ANKRD17: variants seen among roughly 807,000 people sequenced by gnomAD.
ANKRD17 encodes the protein ankyrin repeat domain-containing protein 17.
ANKRD17 carries 19 observed loss-of-function variants against 229.7 expected under a neutral mutation model. The ratio of observed to expected loss-of-function variants is 0.08; its 90% confidence interval spans 0.06 to 0.12. The LOEUF (loss-of-function observed/expected upper bound fraction) is 0.12. ANKRD17 is among the 10% of genes least tolerant of loss of function. The pLI is 1.00. For missense variants in ANKRD17, 2,176 were observed against 3,176.8 expected, an observed-to-expected ratio of 0.68 and a Z score of 7.57; for synonymous variants, 1,112 against 1,146.1, an observed-to-expected ratio of 0.97 and a Z score of 0.60.
intron 16 of ANKRD17, among the ~76,000 whole-genome samples, chr4:73,126,044 C>T (rs1312630347): frequency 6.6e-6 from 1 of 152,114 alleles, no homozygotes; most frequent in Non-Finnish European, 1.5e-5. Flanking sequence ...CAACTTACTG[C>T]CTGGAGAGTT....
rs571218578 is a variant in ANKRD17, at chr4:73,246,565, G to C, written c.393+11711C>G. On this transcript the variant is annotated intron_variant, in intron 1 of 33. Transcript: ENST00000358602. ...AGCCCAATTCTCAAAAAAAACAAAG[G>C]TTTAGGTTGGAGCTGTAAACCTGAT... Among the ~76,000 whole-genome samples, 3 of 152,266 alleles carry C rather than the reference G, an allele frequency of 2.0e-5. No individual in the cohort carries two copies. In the East Asian group the frequency reaches 5.8e-4, roughly 29 times the overall value.
At chr4:73,124,003 G>C (rs1210242515) in intron 18 of ANKRD17, among the ~76,000 whole-genome samples, 2 of 151,078 alleles carry the variant, frequency 1.3e-5, no homozygotes, top group Non-Finnish European at 2.9e-5. Context: ...AAGAATAGGT[G>C]ACTTCAGGAA....
At chr4:73,141,987 T>G (rs973428064) in intron 13 of ANKRD17, 144 bp from the exon 14 acceptor site, 41 of 852,438 alleles carry the variant, frequency 4.8e-5, no homozygotes, top group Admixed American at 2.6e-4. Flanking sequence ...TAAAATATGT[T>G]GGCACCAAAT....
intron 1 of ANKRD17, among the ~76,000 whole-genome samples, chr4:73,244,514 CA>C (rs1377079429): frequency 6.6e-6 from 1 of 152,164 alleles, no homozygotes; most frequent in Non-Finnish European, 1.5e-5. Context: ...AAGAGCTCAG[CA>C]GCAACCTGTG....
intron 1 of ANKRD17, among the ~76,000 whole-genome samples, chr4:73,202,227 C>A (rs1000920514): frequency 6.7e-6 from 1 of 150,346 alleles, no homozygotes; most frequent in Non-Finnish European, 1.5e-5. Flanking sequence ...GAGTATGACC[C>A]ACTGAAAAGA....
intron 1 of ANKRD17, among the ~76,000 whole-genome samples, chr4:73,242,523 T>C (rs1323183431): frequency 1.3e-5 from 2 of 152,216 alleles, no homozygotes; most frequent in Admixed American, 6.5e-5. Context: ...ATTATACATA[T>C]ATTTCTCTCC....
Position 73,118,863 on chromosome 4 carries a change from GAC to G in ANKRD17, c.4026-15_4026-14del, listed in dbSNP as rs1421465212. On this transcript the variant is annotated splice_polypyrimidine_tract_variant and intron_variant, in intron 21 of 33. Coordinates refer to ENST00000358602, the MANE Select transcript of ANKRD17 (RefSeq NM_032217.5). ...AATATGAGCTCCCCTAAAAACCAATGACACAGATAGCATTGTCTTTTTTTTTT... is the reference window on the plus strand; with the variant it reads ...AATATGAGCTCCCCTAAAAACCAATGACAGATAGCATTGTCTTTTTTTTTT... 4.7e-6 allele frequency: 6 copies of G among 1,271,740 alleles called. No individual in the cohort carries two copies. The African/African-American group carries it at 7.6e-5, about 16-fold the overall frequency. 78.8% of individuals were successfully genotyped at this position (1,271,740 alleles called of 1,614,324 possible).
At chr4:73,184,434 C>G (rs1050948956) in intron 1 of ANKRD17, among the ~76,000 whole-genome samples, 4 of 140,404 alleles carry the variant, frequency 2.8e-5, no homozygotes, top group African/African-American at 1.1e-4. Context: ...GAGGCTGAGA[C>G]AGGAGAATCA....
rs954888651 is a variant in ANKRD17, at chr4:73,078,690, C to T, written c.7360G>A (p.Val2454Ile). ...SVIGSNLSTS[V>I]GHSGIWSFEG... ...AAGGACCAGATGCCACTATGTCCTA[C>T]TGATGTAGACAAATTGCTCCCAATA... is the stretch of plus-strand genomic sequence containing the variant. Residue 2454 changes from valine (V) to isoleucine (I), a missense_variant, in exon 31 of 34, where the codon GTA becomes ATA. Transcript: ENST00000358602. The T allele has an allele frequency of 6.2e-7, 1 of 1,614,206 alleles. No individual in the cohort carries two copies.
intron 1 of ANKRD17, among the ~76,000 whole-genome samples, chr4:73,231,374 T>C (rs953222898): frequency 2.2e-4 from 33 of 152,300 alleles, no homozygotes; most frequent in African/African-American, 7.7e-4. Context: ...GGCTCTCCTC[T>C]GGTTCCTTAA....
intron 1 of ANKRD17, among the ~76,000 whole-genome samples, chr4:73,251,443 A>T (rs923313541): frequency 5.3e-5 from 8 of 152,150 alleles, no homozygotes; most frequent in African/African-American, 1.9e-4. Context: ...GATGGACATA[A>T]CTGTACCAGA....
chr4:73,142,452 G>A, intron 12 of ANKRD17, 67 bp from the exon 13 acceptor site: 1 of 1,575,586 alleles, frequency 6.3e-7, no homozygotes, highest in Non-Finnish European at 8.6e-7. Context: ...GAATCACTTA[G>A]GAAGATAAAG....
chr4:73,142,278 G>A lies in ANKRD17; in HGVS notation c.2193C>T (p.Val731=), dbSNP rs747281883. The A allele has an allele frequency of 1.9e-6, 3 of 1,555,674 alleles. No individual in the cohort carries two copies. The highest frequency in any genetic ancestry group is 2.5e-5 in the South Asian group (2 of 80,016). ...CGTGGGATGGGGGAGTTAACTGAGT[G>A]ACATCTGGTGGAGGGGCTGAAAGCA... ...NNLLSAPPPD[V]TQLTPPSHDL... is the part of the protein sequence containing the mutation. The change falls in exon 13 of 34, where the codon GTC becomes GTT. Residue 731 remains valine (V), a synonymous_variant. Transcript: ENST00000358602.
chr4:73,151,753 T>C (rs749903453), intron 6 of ANKRD17, among the ~76,000 whole-genome samples: 21 of 152,172 alleles, frequency 1.4e-4, no homozygotes, highest in Admixed American at 4.6e-4. Context: ...GAGTCCCTGC[T>C]AGAGGTGAAC....
intron 1 of ANKRD17, among the ~76,000 whole-genome samples, chr4:73,247,897 CAG>C (rs1744643444): frequency 6.7e-6 from 1 of 149,814 alleles, no homozygotes; most frequent in Non-Finnish European, 1.5e-5. Flanking sequence ...ATTCTGAAGA[CAG>C]AATAATAGGT....
chr4:73,134,910 TG>T (rs1329765745), intron 16 of ANKRD17, among the ~76,000 whole-genome samples: 5 of 152,196 alleles, frequency 3.3e-5, no homozygotes, highest in Non-Finnish European at 5.9e-5. Context: ...CTGATGACCT[TG>T]GAAACCAGAC....
intron 25 of ANKRD17, among the ~76,000 whole-genome samples, chr4:73,099,685 C>T (rs1242615723): frequency 6.6e-6 from 1 of 152,236 alleles, no homozygotes; most frequent in Non-Finnish European, 1.5e-5. Context: ...CCCAGCCAAA[C>T]TGTGTTTGTC....
intron 27 of ANKRD17, 106 bp downstream of exon 27, chr4:73,096,998 CCTTGAACCATCAG>C: frequency 5.8e-6 from 7 of 1,197,586 alleles, no homozygotes; most frequent in Non-Finnish European, 8.1e-6. Context: ...TCAAATTTAG[CCTTGAACCATCAG>C]TTTGTTTGCA....
intron 25 of ANKRD17, chr4:73,098,910 G>A (rs1267765581): frequency 2.1e-5 from 23 of 1,104,492 alleles, no homozygotes; most frequent in Admixed American, 3.4e-5. Context: ...GGCAGGCCCC[G>A]CAAGCAGCCT....
Sources: allele counts gnomAD v4.1 joint callset (sites outside exome capture counted in the v4.1 genomes callset), GRCh38; gene constraint gnomAD v4.1.1; transcripts MANE v1.5; gene names NCBI Gene and HGNC (gene_info 2026-07-23, HGNC 2026-07-21).